TMEM71: variants seen among roughly 807,000 people sequenced by gnomAD.
The protein encoded by TMEM71 is transmembrane protein 71.
Under a neutral mutation model 38.0 loss-of-function variants are expected in TMEM71, and 44 were observed. That is an observed-to-expected ratio of 1.16 (90% CI 0.91 to 1.49). The LOEUF (loss-of-function observed/expected upper bound fraction) is 1.49. Among genes scored for constraint, TMEM71 ranks in the 40% most tolerant of loss-of-function variants. TMEM71 has a pLI of 0.00. For missense variants in TMEM71, 367 were observed against 348.6 expected (o/e 1.05, Z -0.42); for synonymous variants, 133 against 122.5 (o/e 1.09, Z -0.56).
chr8:132,737,598 T>C (rs1827818664), intron 5 of TMEM71, among the ~76,000 whole-genome samples: 1 of 152,222 alleles, frequency 6.6e-6, no homozygotes, highest in Admixed American at 6.5e-5. Context: ...GCCTCATATA[T>C]AGTACCTAAG....
chr8:132,723,302 A>G (rs1434549713), intron 6 of TMEM71, among the ~76,000 whole-genome samples: 2 of 152,216 alleles, frequency 1.3e-5, no homozygotes, highest in African/African-American at 4.8e-5. Flanking sequence ...GAATTTGGAA[A>G]ACATTTCCTC....
At chr8:132,705,970 T>A (rs568075941), downstream of TMEM71, among the ~76,000 whole-genome samples, 195 of 152,238 alleles carry the variant, frequency 1.3e-3, 1 homozygote, top group African/African-American at 4.5e-3. Context: ...GTGGGGACTT[T>A]GGAAAATGAT....
At chr8:132,711,942 G>A (rs760704652) in intron 9 of TMEM71, among the ~76,000 whole-genome samples, 2 of 151,978 alleles carry the variant, frequency 1.3e-5, no homozygotes, top group Non-Finnish European at 2.9e-5. Flanking sequence ...CTTGATTCTC[G>A]ATATTAATAA....
At chr8:132,708,870 G>T (rs1336544938), downstream of TMEM71, among the ~76,000 whole-genome samples, 29 of 152,138 alleles carry the variant, frequency 1.9e-4, no homozygotes, top group Admixed American at 1.9e-3. Context: ...GATGGAGGAG[G>T]GGGCCAGGGG....
chr8:132,752,770 GA>G (rs946140622), intron 3 of TMEM71, among the ~76,000 whole-genome samples: 51 of 133,056 alleles, frequency 3.8e-4, no homozygotes, highest in South Asian at 9.3e-4. Context: ...GAGAGAGAGA[GA>G]AAAAAAAAAG....
At chr8:132,760,873 C>A (rs1310607007), upstream of TMEM71, among the ~76,000 whole-genome samples, 22 of 152,198 alleles carry the variant, frequency 1.4e-4, no homozygotes, top group Non-Finnish European at 2.2e-4. Flanking sequence ...ACTCAGCGAA[C>A]TGACATTTCT....
In TMEM71 at chr8:132,746,971, C is replaced by T. The variant is rs1828425480; in HGVS notation, c.458G>A (p.Arg153Lys). 2 of 1,610,546 alleles carry T rather than the reference C, an allele frequency of 1.2e-6. No individual in the cohort carries two copies. The highest frequency in any genetic ancestry group is 8.5e-7 in the Non-Finnish European group (1 of 1,179,032). The change falls in exon 5 of 10, where the codon AGG (arginine) becomes AAG (lysine). Residue 153 changes from arginine (R) to lysine (K), a missense_variant. Coordinates refer to ENST00000677595, the MANE Select transcript of TMEM71 (RefSeq NM_001382403.1). Reference protein sequence around the residue: ...SEDNWLKGTRRLDTDHCNGNA... With the variant: ...SEDNWLKGTRKLDTDHCNGNA... ...TCCATTGCAATGGTCTGTGTCCAAC[C>T]TCCTGGTCCCCTTCAACCAGTTGTC...
chr8:132,764,382 C>G (rs1247443880), upstream of TMEM71, among the ~76,000 whole-genome samples: 1 of 152,026 alleles, frequency 6.6e-6, no homozygotes, highest in Non-Finnish European at 1.5e-5. Context: ...CCAATACACT[C>G]CCCAAGCCAT....
intron 5 of TMEM71, among the ~76,000 whole-genome samples, chr8:132,738,926 C>T (rs1827889484): frequency 6.6e-6 from 1 of 152,016 alleles, no homozygotes; most frequent in Non-Finnish European, 1.5e-5. Context: ...ATTGTGCCAA[C>T]GTCCATTTCC....
At chr8:132,732,730 T>TA (rs1047223478) in intron 5 of TMEM71, among the ~76,000 whole-genome samples, 2 of 152,156 alleles carry the variant, frequency 1.3e-5, no homozygotes, top group Admixed American at 1.3e-4. Context: ...TAGTTCTTAA[T>TA]AGGGGGTGAT....
rs977120670 is a variant in TMEM71 at position 132,727,831 on chromosome 8, C to T, written c.643G>A (p.Glu215Lys). ...TCCGAACTATTCTCTTGGAAACGTT[C>T]AGAAGCTGTCAACTGGGACTGAAGA... ...LSLQSQLTAS[E>K]RFQENSSDHS... Residue 215 changes from glutamate (E) to lysine (K), a missense_variant, in exon 6 of 10, where the codon GAA becomes AAA. Transcript: ENST00000677595. 10 of 1,613,280 alleles carry T rather than the reference C, an allele frequency of 6.2e-6. No individual in the cohort carries two copies. The African/African-American group carries it at 1.3e-4, about 22-fold the overall frequency.
intron 5 of TMEM71, among the ~76,000 whole-genome samples, chr8:132,732,141 C>T (rs1231534625): frequency 1.3e-5 from 2 of 152,126 alleles, no homozygotes; most frequent in Non-Finnish European, 2.9e-5. Context: ...GACATACATG[C>T]AAATGAACAA....
At chr8:132,741,422 G>A (rs1448861788) in intron 5 of TMEM71, among the ~76,000 whole-genome samples, 4 of 152,136 alleles carry the variant, frequency 2.6e-5, no homozygotes, top group Non-Finnish European at 5.9e-5. Context: ...GGGCCCGGGG[G>A]ACCACTACCA....
At chr8:132,772,941 T>C in the TMEM71 span, among the ~76,000 whole-genome samples, 1 of 152,226 alleles carries the variant, frequency 6.6e-6, no homozygotes, top group African/African-American at 2.4e-5. Flanking sequence ...AGATAGACTC[T>C]TGATAATGTT....
At chr8:132,749,543 C>T (rs1382343568) in intron 4 of TMEM71, among the ~76,000 whole-genome samples, 1 of 152,208 alleles carries the variant, frequency 6.6e-6, no homozygotes, top group African/African-American at 2.4e-5. Flanking sequence ...CTTCAGCTCA[C>T]ATTCTTTCTA....
chr8:132,773,950 T>C, the TMEM71 span, among the ~76,000 whole-genome samples: 37 of 152,324 alleles, frequency 2.4e-4, no homozygotes, highest in African/African-American at 8.4e-4. Context: ...AACACAGTAG[T>C]TGTAGATTAT....
intron 3 of TMEM71, among the ~76,000 whole-genome samples, 186 bp downstream of exon 3, chr8:132,757,048 C>G (rs1829058958): frequency 2.1e-5 from 2 of 94,760 alleles, no homozygotes; most frequent in Admixed American, 1.3e-4. Flanking sequence ...CACCACGCAG[C>G]GCTGATTTTT....
the TMEM71 span, among the ~76,000 whole-genome samples, chr8:132,765,993 A>T: frequency 6.6e-6 from 1 of 151,960 alleles, no homozygotes; most frequent in Non-Finnish European, 1.5e-5. Flanking sequence ...CATGTTGGCC[A>T]GGCTTGTCTT....
rs561193151 is a variant in TMEM71, at chr8:132,736,277, GA to G, written c.488-8292del. Among the ~76,000 whole-genome samples the G allele has an allele frequency of 1.2e-3, 178 of 152,132 alleles. 1 individual carries two copies. Among genetic ancestry groups the G allele is most frequent in the Admixed American group, 3.9e-3 (59 of 15,288 alleles). On this transcript the variant is annotated intron_variant, in intron 5 of 9. Transcript: ENST00000677595. ...AGAAGACACTTGCCTTGTTGCTCCA[GA>G]AAAAAACAGGGGAGAATCAATGGAT... is the stretch of plus-strand genomic sequence containing the variant.
Sources: gnomAD v4.1 joint callset for allele counts (sites outside exome capture counted in the v4.1 genomes callset) on GRCh38, gnomAD v4.1.1 for gene constraint, MANE v1.5 for transcripts, NCBI Gene and HGNC (gene_info 2026-07-23, HGNC 2026-07-21) for gene names.